Variants in IL36B observed in about 807,000 individuals in gnomAD.
IL36B encodes interleukin 36 beta, also known as interleukin-36 beta.
In IL36B, 23 loss-of-function variants were observed where a neutral mutation model predicts 19.3. The ratio of observed to expected loss-of-function variants is 1.19; its 90% CI spans 0.86 to 1.69. IL36B has a LOEUF of 1.69. Ranked by LOEUF, IL36B falls within the 40% of genes most tolerant of loss-of-function variation. IL36B has a pLI of 0.00. For missense variants in IL36B, 217 were observed against 200.5 expected (o/e 1.08, Z -0.50); for synonymous variants, 59 against 59.7 (o/e 0.99, Z 0.05).
chr2:113,028,918 G>T (rs201467504), intron 4 of IL36B, 21 bp downstream of exon 4: 2 of 1,610,346 alleles, frequency 1.2e-6, no homozygotes, highest in South Asian at 1.1e-5. Context: ...TACTTCTCTC[G>T]TTAGCTGCAC....
chr2:113,024,325 G>A (rs1684914324), intron 5 of IL36B, among the ~76,000 whole-genome samples: 2 of 152,148 alleles, frequency 1.3e-5, no homozygotes, highest in South Asian at 4.1e-4. Context: ...CTGGAACAGG[G>A]GGAATAACAC....
chr2:113,025,654 C>T (rs36008703), intron 5 of IL36B, among the ~76,000 whole-genome samples: 5,225 of 152,086 alleles, frequency 0.034, 171 homozygotes, highest in African/African-American at 0.081. Flanking sequence ...ATGTTGCCTT[C>T]GGTTGGGAAG....
intron 1 of IL36B, among the ~76,000 whole-genome samples, chr2:113,045,263 G>GT (rs765344738): frequency 2.6e-5 from 4 of 152,018 alleles, no homozygotes; most frequent in Non-Finnish European, 4.4e-5. Context: ...AATTGACAAT[G>GT]TTTTTTTCAG....
In IL36B at chr2:113,031,105, A is replaced by G. The variant is rs1396786675; in HGVS notation, c.64T>C (p.Trp22Arg). 2 of 1,614,194 alleles carry G rather than the reference A, an allele frequency of 1.2e-6. No individual in the cohort carries two copies. Among genetic ancestry groups the G allele is most frequent in the South Asian group, 2.2e-5 (2 of 91,092 alleles). ...ATTAAAGAATTTCCACTCAGGACCC[A>G]CACCATCTGTCGAGAATCACGAATA... The change falls in exon 3 of 6, where the codon TGG becomes CGG. Residue 22 changes from tryptophan (W) to arginine (R), a missense_variant. By Grantham distance (101) the Trp-to-Arg change is moderately radical (BLOSUM62 -3). Coordinates refer to ENST00000259213, the MANE Select transcript of IL36B (RefSeq NM_014438.5).
chr2:113,039,923 C>T (rs1248485518), intron 1 of IL36B, among the ~76,000 whole-genome samples: 1 of 152,148 alleles, frequency 6.6e-6, no homozygotes, highest in Non-Finnish European at 1.5e-5. Context: ...CAGGCAGATC[C>T]TGGAGGGAGT....
At chr2:113,033,490 C>A (rs570134264) in intron 1 of IL36B, among the ~76,000 whole-genome samples, 2 of 152,190 alleles carry the variant, frequency 1.3e-5, no homozygotes, top group African/African-American at 2.4e-5. Flanking sequence ...CCACCCGCCT[C>A]GGCCTCCCAA....
intron 1 of IL36B, among the ~76,000 whole-genome samples, chr2:113,045,488 C>CT (rs1685333842): frequency 6.6e-6 from 1 of 152,080 alleles, no homozygotes; most frequent in Admixed American, 6.5e-5. Flanking sequence ...CATCAATCTT[C>CT]TTGAACCTGT....
In IL36B at chr2:113,029,024, C is replaced by A. The variant is rs1250475124; in HGVS notation, c.176G>T (p.Gly59Val). The change falls in exon 4 of 6, where the codon GGT becomes GTT. Residue 59 changes from glycine (G) to valine (V), a missense_variant. Coordinates refer to ENST00000259213, the MANE Select transcript of IL36B (RefSeq NM_014438.5). Reference sequence around the variant, plus strand: ...CTTGATTCCCAGGTAAACCATATTACCCTTTTCCTTGTCACTGAATTCTGT... The same window carrying A: ...CTTGATTCCCAGGTAAACCATATTAACCTTTTCCTTGTCACTGAATTCTGT... The A allele has an allele frequency of 6.2e-7, 1 of 1,613,710 alleles. No individual in the cohort carries two copies. The highest frequency in any genetic ancestry group is 8.5e-7 in the Non-Finnish European group (1 of 1,179,764).
At chr2:113,029,111 T>C (rs1340865344) in intron 3 of IL36B, 33 bp from the exon 4 acceptor site, 4 of 1,602,998 alleles carry the variant, frequency 2.5e-6, no homozygotes, top group Non-Finnish European at 3.4e-6. Flanking sequence ...AGAAGATGTT[T>C]CAGTCTTTCT....
chr2:113,050,958 C>A (rs1287163918), intron 1 of IL36B, among the ~76,000 whole-genome samples: 1 of 151,796 alleles, frequency 6.6e-6, no homozygotes, highest in Non-Finnish European at 1.5e-5. Flanking sequence ...CTCAGCGTGG[C>A]CTCCCGATCC....
chr2:113,034,252 C>T (rs529715335), intron 1 of IL36B, among the ~76,000 whole-genome samples: 8 of 152,256 alleles, frequency 5.3e-5, no homozygotes, highest in East Asian at 3.9e-4. Flanking sequence ...AGCTTATCTT[C>T]GCCTGCAGGG....
chr2:113,050,153 C>A (rs1685418066), intron 1 of IL36B, among the ~76,000 whole-genome samples: 1 of 152,154 alleles, frequency 6.6e-6, no homozygotes, highest in South Asian at 2.1e-4. Flanking sequence ...GCTATTTGAA[C>A]ACCCATGTTC....
At chr2:113,040,522 A>G (rs746277502) in intron 1 of IL36B, among the ~76,000 whole-genome samples, 65 of 152,236 alleles carry the variant, frequency 4.3e-4, no homozygotes, top group Non-Finnish European at 7.5e-4. Flanking sequence ...AACAACTACT[A>G]GAACTAATAA....
chr2:113,024,419 A>G (rs1366944447), intron 5 of IL36B, among the ~76,000 whole-genome samples: 1 of 152,220 alleles, frequency 6.6e-6, no homozygotes, highest in Non-Finnish European at 1.5e-5. Flanking sequence ...ACAGATAGAC[A>G]AGGAATTAGC....
chr2:113,036,362 T>C (rs535040322), intron 1 of IL36B, among the ~76,000 whole-genome samples: 1 of 152,162 alleles, frequency 6.6e-6, no homozygotes, highest in East Asian at 1.9e-4. Flanking sequence ...TGCTTTTTTT[T>C]TTTTTTTCAT....
chr2:113,049,931 G>T (rs998355946), intron 1 of IL36B, among the ~76,000 whole-genome samples: 1 of 152,020 alleles, frequency 6.6e-6, no homozygotes, highest in African/African-American at 2.4e-5. Context: ...CTCCAGCCTG[G>T]GCGACAAGAG....
rs951354810 is a variant in IL36B, at chr2:113,022,472, T to C, written c.*202A>G. The stretch of plus-strand genomic sequence containing the variant: ...ATTTACAGGTTATGTAGTCCAAATC[T>C]ACTCCTAAAAAGACTCCGACCTTCT... On this transcript the variant is annotated 3_prime_UTR_variant, in exon 6 of 6. Coordinates refer to ENST00000259213, the MANE Select transcript of IL36B (RefSeq NM_014438.5). The C allele has an allele frequency of 1.2e-5, 6 of 496,502 alleles. No homozygotes were observed. The highest frequency in any genetic ancestry group is 2.2e-5 in the Non-Finnish European group (6 of 276,570). 30.8% of individuals were successfully genotyped at this position (496,502 alleles called of 1,614,324 possible).
intron 1 of IL36B, among the ~76,000 whole-genome samples, chr2:113,032,122 C>CGT (rs1164530934): frequency 7.8e-5 from 9 of 115,946 alleles, no homozygotes; most frequent in Non-Finnish European, 1.2e-4. Context: ...AGACAGAGTG[C>CGT]GTGTGTGTGT....
At chr2:113,036,721 T>C (rs192041832) in intron 1 of IL36B, among the ~76,000 whole-genome samples, 1 of 152,346 alleles carries the variant, frequency 6.6e-6, no homozygotes, top group African/African-American at 2.4e-5. Context: ...AAATAAGCAT[T>C]TGATCCTGCC....
Sources: gnomAD v4.1 joint callset for allele counts (sites outside exome capture counted in the v4.1 genomes callset) on GRCh38, gnomAD v4.1.1 for gene constraint, MANE v1.5 for transcripts, NCBI Gene and HGNC (gene_info 2026-07-23, HGNC 2026-07-21) for gene names.